RP1: variants seen among roughly 807,000 people sequenced by gnomAD.
The protein encoded by RP1 is RP1 axonemal microtubule associated.
In RP1, 16 loss-of-function variants were observed where a neutral mutation model predicts 14.8. The ratio of observed to expected loss-of-function variants is 1.08; its 90% confidence interval spans 0.73 to 1.65. The LOEUF (loss-of-function observed/expected upper bound fraction) is 1.65, where lower values mean the gene tolerates loss of function less well. Among genes scored for constraint, RP1 ranks in the 40% most tolerant of loss-of-function variants. RP1 has a pLI of 0.00. For synonymous variants in RP1, 876 were observed against 883.6 expected (o/e 0.99, Z 0.15); for missense variants, 2,631 against 2,535.0 (o/e 1.04, Z -0.81).
chr8:54,843,235 T>C (rs1233690367), intron 25 of RP1, among the ~76,000 whole-genome samples: 1 of 152,070 alleles, frequency 6.6e-6, no homozygotes, highest in African/African-American at 2.4e-5. Context: ...TGTATGTATG[T>C]ATGTATTTAT....
At chr8:54,797,693 T>C (rs1314842563) in intron 24 of RP1, among the ~76,000 whole-genome samples, 2 of 152,154 alleles carry the variant, frequency 1.3e-5, no homozygotes, top group Non-Finnish European at 2.9e-5. Context: ...CAAGCTACAG[T>C]TGTTTTCACA....
At chr8:54,658,327 G>A (rs370292022) in intron 6 of RP1, among the ~76,000 whole-genome samples, 4 of 149,680 alleles carry the variant, frequency 2.7e-5, no homozygotes, top group South Asian at 2.1e-4. Context: ...CGAGGCGGGC[G>A]GATCACGAGG....
chr8:54,775,442 T>A (rs1585681368), intron 23 of RP1, among the ~76,000 whole-genome samples: 1 of 152,152 alleles, frequency 6.6e-6, no homozygotes, highest in Admixed American at 6.6e-5. Flanking sequence ...GTCTTTAGAA[T>A]CCAGCCACTG....
In RP1 at chr8:54,826,072, TAAAAAC is replaced by T. The variant is rs1811381240; in HGVS notation, c.3616-11366_3616-11361del. On this transcript the variant is annotated intron_variant, in intron 24 of 28. Coordinates refer to the RP1 transcript ENST00000637698. Reference sequence around the variant, plus strand: ...TGACAGAGTGAGCCTGACTCAAAATTAAAAACAAAAACAAAAAGCAAAAAAAGTTGT... The same window carrying T: ...TGACAGAGTGAGCCTGACTCAAAATTAAAAACAAAAAGCAAAAAAAGTTGT... 2.6e-5 allele frequency among the ~76,000 whole-genome samples: 4 copies of T among 151,854 alleles called. No homozygotes were observed. In the South Asian group the frequency reaches 8.3e-4, roughly 31 times the overall value.
At chr8:54,579,066 G>A (rs1804723080) in intron 1 of RP1, among the ~76,000 whole-genome samples, 1 of 152,200 alleles carries the variant, frequency 6.6e-6, no homozygotes. Flanking sequence ...TGGATGCTTA[G>A]TCAATATGAG....
intron 1 of RP1, among the ~76,000 whole-genome samples, chr8:54,575,681 G>A (rs1386671938): frequency 6.6e-6 from 1 of 152,062 alleles, no homozygotes; most frequent in Non-Finnish European, 1.5e-5. Context: ...GTGCTGGTTT[G>A]TTATATAGGT....
chr8:54,693,949 G>A (rs1807787015), intron 12 of RP1, among the ~76,000 whole-genome samples: 1 of 152,250 alleles, frequency 6.6e-6, no homozygotes, highest in East Asian at 1.9e-4. Context: ...GATATTGGGT[G>A]TGGGTTTGTC....
intron 12 of RP1, chr8:54,680,076 A>G (rs1807392823): frequency 2.7e-6 from 3 of 1,097,012 alleles, no homozygotes; most frequent in Non-Finnish European, 3.6e-6. Flanking sequence ...ATAATTTACT[A>G]TCTGTATTAA....
chr8:54,791,668 A>G (rs1251752915), intron 24 of RP1, among the ~76,000 whole-genome samples: 4 of 152,086 alleles, frequency 2.6e-5, no homozygotes, highest in Non-Finnish European at 5.9e-5. Context: ...ATGATAAGAT[A>G]TTTTATGCAA....
chr8:54,622,805 T>C (rs987287122), intron 3 of RP1, among the ~76,000 whole-genome samples: 1 of 152,258 alleles, frequency 6.6e-6, no homozygotes, highest in South Asian at 2.1e-4. Context: ...CAATTCATGC[T>C]GGTTAATGGT....
In RP1 at chr8:54,661,293, G is replaced by GATATATATATGATATATCAATGAT. The variant is rs1554522266; in HGVS notation, c.1172-2394_1172-2393insTATATCAATGATATATATATATGA. On this transcript the variant is annotated intron_variant, in intron 6 of 22. Transcript: ENST00000636932. ...TAAATGATATATATGATATATAAAT[G>GATATATATATGATATATCAATGAT]ATATATATATGAGATATATATATAT... 3.1e-5 allele frequency among the ~76,000 whole-genome samples: 4 copies of GATATATATATGATATATCAATGAT among 130,716 alleles called. No homozygotes were observed. The East Asian group carries it at 7.9e-4, about 26-fold the overall frequency. The allele number at this position is 130,716 out of a possible 152,430, so 85.8% of individuals were successfully genotyped here. A position where few individuals can be genotyped will look rare whatever the true frequency, so the allele number is the denominator to read the frequency against.
rs1809121328 is a variant in RP1 at position 54,742,432 on chromosome 8, T to G, written c.2808+3403T>G. ...GAGAAAAATGTTAATTTTGCTGAGG[T>G]GTTTATTGTAGTATTTCTTAGGACA... is the stretch of plus-strand genomic sequence containing the variant. On this transcript the variant is annotated intron_variant, in intron 19 of 22. Transcript: ENST00000636932. Among the ~76,000 whole-genome samples the G allele has an allele frequency of 2.6e-5, 4 of 152,304 alleles. No homozygotes were observed. The South Asian group carries it at 8.3e-4, about 32-fold the overall frequency.
chr8:54,568,501 C>T (rs1804454568), intron 1 of RP1, among the ~76,000 whole-genome samples: 1 of 152,116 alleles, frequency 6.6e-6, no homozygotes, highest in Non-Finnish European at 1.5e-5. Flanking sequence ...TATCTTCCTC[C>T]TTGAAAAATG....
intron 22 of RP1, among the ~76,000 whole-genome samples, chr8:54,761,816 A>G (rs1301567339): frequency 6.6e-6 from 1 of 152,202 alleles, no homozygotes; most frequent in Non-Finnish European, 1.5e-5. Flanking sequence ...ATTGCTTTCT[A>G]TTATGTAGCT....
intron 1 of RP1, chr8:54,559,454 T>A (rs530738886): frequency 6.6e-6 from 1 of 152,164 alleles, no homozygotes; most frequent in East Asian, 1.9e-4. Context: ...GGTTGCTTAA[T>A]GGTATGGAAA....
In RP1 at chr8:54,855,873, C is replaced by T. The variant is rs148533673; in HGVS notation, c.3991-1155C>T. ...TCACCTGTGGAGCACTTTGAACTCT[C>T]GTATGCTTCGCATACGGAGTGCATA... On this transcript the variant is annotated intron_variant, in intron 26 of 28. Coordinates refer to the RP1 transcript ENST00000637698. Among the ~76,000 whole-genome samples, 17 of 151,802 alleles carry T rather than the reference C, an allele frequency of 1.1e-4. 1 individual carries two copies. The South Asian group carries it at 1.9e-3, about 17-fold the overall frequency.
chr8:54,803,264 C>G (rs1337153128), intron 24 of RP1, among the ~76,000 whole-genome samples: 1 of 152,126 alleles, frequency 6.6e-6, no homozygotes, highest in African/African-American at 2.4e-5. Flanking sequence ...TGAACATGTT[C>G]CTCACTGTCT....
At chr8:54,847,510 G>C (rs902596602) in intron 25 of RP1, among the ~76,000 whole-genome samples, 2 of 152,226 alleles carry the variant, frequency 1.3e-5, no homozygotes, top group African/African-American at 4.8e-5. Flanking sequence ...CTGAATGGTA[G>C]AAAGCAGGGC....
At chr8:54,640,959 C>CTTTTT (rs34975591) in intron 3 of RP1, among the ~76,000 whole-genome samples, 1 of 128,376 alleles carries the variant, frequency 7.8e-6, no homozygotes. Context: ...TATAAATCTC[C>CTTTTT]TTTTTTTTTT....
Sources: allele counts gnomAD v4.1 joint callset (sites outside exome capture counted in the v4.1 genomes callset), GRCh38; gene constraint gnomAD v4.1.1; transcripts MANE v1.5; gene names NCBI Gene and HGNC (gene_info 2026-07-23, HGNC 2026-07-21).